Variants in GRIK4 observed in about 807,000 individuals in gnomAD.
GRIK4 encodes the protein glutamate receptor ionotropic, kainate 4.
GRIK4 carries 40 observed loss-of-function variants against 104.9 expected under a neutral mutation model. The observed-to-expected ratio is 0.38, with a 90% CI of 0.30 to 0.50. GRIK4 has a LOEUF of 0.50. Among genes scored for constraint, GRIK4 ranks in the 20% least tolerant of loss-of-function variants. The pLI is 0.93. For missense variants in GRIK4, 1,047 were observed against 1,308.1 expected (o/e 0.80, Z 3.08); for synonymous variants, 485 against 524.9 (o/e 0.92, Z 1.04).
intron 13 of GRIK4, among the ~76,000 whole-genome samples, chr11:120,927,919 A>G (rs971864188): frequency 6.6e-6 from 1 of 152,086 alleles, no homozygotes; most frequent in African/African-American, 2.4e-5. Flanking sequence ...ATAAAAAAAT[A>G]TTAAGAAGGC....
intron 3 of GRIK4, among the ~76,000 whole-genome samples, chr11:120,717,451 T>C (rs547766599): frequency 1.3e-5 from 2 of 152,156 alleles, no homozygotes; most frequent in East Asian, 1.9e-4. Context: ...TGCTTAGGGA[T>C]TGGAGAAGGA....
chr11:120,556,544 C>G (rs1231579898), intron 1 of GRIK4, among the ~76,000 whole-genome samples: 1 of 152,120 alleles, frequency 6.6e-6, no homozygotes, highest in Non-Finnish European at 1.5e-5. Flanking sequence ...CAGAGGGGTG[C>G]GTTTAGGGTT....
chr11:120,974,778 G>A (rs1185736390), intron 19 of GRIK4, among the ~76,000 whole-genome samples: 7 of 152,012 alleles, frequency 4.6e-5, no homozygotes, highest in Non-Finnish European at 8.8e-5. Context: ...TCCCTACCTC[G>A]CTAAAAAAAT....
At chr11:120,701,651 C>T (rs929713475) in intron 3 of GRIK4, among the ~76,000 whole-genome samples, 5 of 152,238 alleles carry the variant, frequency 3.3e-5, no homozygotes, top group East Asian at 3.9e-4. Context: ...GGGATTGCTG[C>T]GTCATATGGT....
intron 1 of GRIK4, among the ~76,000 whole-genome samples, chr11:120,643,593 T>C (rs139913929): frequency 1.3e-5 from 2 of 152,354 alleles, no homozygotes; most frequent in East Asian, 1.9e-4. Flanking sequence ...TCTGGTCCTG[T>C]GGGAGGAGCT....
At chr11:120,750,507 C>T (rs1315037303) in intron 3 of GRIK4, among the ~76,000 whole-genome samples, 1 of 151,886 alleles carries the variant, frequency 6.6e-6, no homozygotes, top group African/African-American at 2.4e-5. Flanking sequence ...GCTGGAATTA[C>T]AGGCATGTGC....
chr11:120,629,163 A>T lies in GRIK4; in HGVS notation c.-158-24522A>T, dbSNP rs143596571. Among the ~76,000 whole-genome samples, 507 of 152,194 alleles carry T rather than the reference A, an allele frequency of 3.3e-3. 7 individuals carry two copies. Among genetic ancestry groups the T allele is most frequent in the South Asian group, 0.03 (145 of 4,814 alleles). The stretch of plus-strand genomic sequence containing the variant: ...TTCAGAGGATGGGAAGAAGTTGGAG[A>T]GGTGGGGAAGGTGGAGGGAAGCATA... On this transcript the variant is annotated intron_variant, in intron 1 of 20. Coordinates refer to ENST00000527524, the MANE Select transcript of GRIK4 (RefSeq NM_014619.5).
chr11:120,717,787 T>G (rs1165660235), intron 3 of GRIK4, among the ~76,000 whole-genome samples: 17 of 152,068 alleles, frequency 1.1e-4, no homozygotes, highest in Admixed American at 1.1e-3. Context: ...CCGCCCAGCC[T>G]GGGGTGCCCT....
chr11:120,709,636 G>A (rs1404470038), intron 3 of GRIK4, among the ~76,000 whole-genome samples: 1 of 152,166 alleles, frequency 6.6e-6, no homozygotes, highest in East Asian at 1.9e-4. Flanking sequence ...ACTTTTATAT[G>A]ACACCTCTGA....
intron 6 of GRIK4, among the ~76,000 whole-genome samples, chr11:120,821,781 G>A (rs1953132344): frequency 1.3e-5 from 2 of 152,190 alleles, no homozygotes; most frequent in East Asian, 1.9e-4. Flanking sequence ...CAGTCAACAG[G>A]CGTCTTCGAG....
intron 13 of GRIK4, among the ~76,000 whole-genome samples, chr11:120,933,837 T>G (rs1169372552): frequency 6.6e-6 from 1 of 152,050 alleles, no homozygotes; most frequent in African/African-American, 2.4e-5. Context: ...TCCTGACCCG[T>G]CCCATCCTCC....
At chr11:120,881,011 C>G (rs1954955164) in intron 11 of GRIK4, among the ~76,000 whole-genome samples, 1 of 152,106 alleles carries the variant, frequency 6.6e-6, no homozygotes, top group African/African-American at 2.4e-5. Context: ...TATTGTCATG[C>G]TCTTCCATTT....
At chr11:120,545,069 A>T (rs571036698) in intron 1 of GRIK4, among the ~76,000 whole-genome samples, 1 of 152,242 alleles carries the variant, frequency 6.6e-6, no homozygotes, top group South Asian at 2.1e-4. Context: ...ACAGCTGGCC[A>T]GAGGCCAGCT....
At chr11:120,904,729 C>T (rs1942827980) in intron 12 of GRIK4, among the ~76,000 whole-genome samples, 1 of 152,222 alleles carries the variant, frequency 6.6e-6, no homozygotes, top group Admixed American at 6.5e-5. Flanking sequence ...GTGCCTTCCC[C>T]TGGCCCATGC....
At chr11:120,671,497 CAT>C (rs111626836) in intron 3 of GRIK4, among the ~76,000 whole-genome samples, 24,890 of 152,074 alleles carry the variant, frequency 0.16, 2,267 homozygotes, top group South Asian at 0.23. Context: ...AGCTTTTTTT[CAT>C]ATGTTTGTTG....
At chr11:120,525,640 G>A (rs749844912) in intron 1 of GRIK4, among the ~76,000 whole-genome samples, 3 of 152,218 alleles carry the variant, frequency 2.0e-5, no homozygotes, top group Non-Finnish European at 4.4e-5. Context: ...CTACGTCCCC[G>A]TGTCTAGGCT....
chr11:120,528,083 C>T (rs1947879234), intron 1 of GRIK4, among the ~76,000 whole-genome samples: 1 of 152,264 alleles, frequency 6.6e-6, no homozygotes, highest in Non-Finnish European at 1.5e-5. Context: ...CCCACCTCAG[C>T]CTTTTGAGTA....
intron 5 of GRIK4, among the ~76,000 whole-genome samples, chr11:120,816,316 C>T (rs1426689103): frequency 1.3e-5 from 2 of 152,146 alleles, no homozygotes; most frequent in South Asian, 2.1e-4. Flanking sequence ...AAATTGGCCC[C>T]TTAGCCCCTG....
chr11:120,672,431 A>G (rs1950035149), intron 3 of GRIK4, among the ~76,000 whole-genome samples: 1 of 152,190 alleles, frequency 6.6e-6, no homozygotes, highest in Non-Finnish European at 1.5e-5. Context: ...AAAAAATAGA[A>G]AAAAGAAATT....
Sources: gnomAD v4.1 joint callset for allele counts (sites outside exome capture counted in the v4.1 genomes callset) on GRCh38, gnomAD v4.1.1 for gene constraint, MANE v1.5 for transcripts, NCBI Gene and HGNC (gene_info 2026-07-23, HGNC 2026-07-21) for gene names.